Variants in SNTG1 observed in about 807,000 individuals in gnomAD.
SNTG1 encodes syntrophin gamma 1, also known as gamma-1-syntrophin.
A neutral mutation model predicts 74.7 loss-of-function variants in SNTG1; 39 were observed. The observed-to-expected ratio is 0.52, with a 90% confidence interval of 0.40 to 0.68. The LOEUF (loss-of-function observed/expected upper bound fraction) is 0.68. Ranked by LOEUF, SNTG1 falls within the 30% of genes least tolerant of loss-of-function variation. SNTG1 has a pLI of 0.00. For synonymous variants in SNTG1, 254 were observed against 217.1 expected (o/e 1.17, Z -1.49); for missense variants, 685 against 609.5 (o/e 1.12, Z -1.30).
intron 2 of SNTG1, among the ~76,000 whole-genome samples, chr8:50,389,011 GCT>G (rs1006947628): frequency 8.5e-5 from 13 of 152,118 alleles, no homozygotes; most frequent in African/African-American, 2.9e-4. Flanking sequence ...AAGAAGTTTG[GCT>G]CTGTGTGTGT....
At chr8:50,763,306 G>A (rs1280906910) in intron 18 of SNTG1, among the ~76,000 whole-genome samples, 2 of 151,858 alleles carry the variant, frequency 1.3e-5, no homozygotes, top group Non-Finnish European at 2.9e-5. Flanking sequence ...TGAAGCCCCT[G>A]ATACTCAGAA....
chr8:50,066,868 T>A (rs1820940768), intron 1 of SNTG1, among the ~76,000 whole-genome samples: 1 of 152,142 alleles, frequency 6.6e-6, no homozygotes, highest in Admixed American at 6.6e-5. Flanking sequence ...AAATGATTTA[T>A]TGAAAAATCC....
At chr8:50,252,727 C>T (rs900107192) in intron 2 of SNTG1, among the ~76,000 whole-genome samples, 3 of 152,136 alleles carry the variant, frequency 2.0e-5, no homozygotes, top group African/African-American at 4.8e-5. Flanking sequence ...GTCATTACCA[C>T]TCATTACTGT....
intron 2 of SNTG1, among the ~76,000 whole-genome samples, chr8:50,193,260 A>T (rs369876160): frequency 6.6e-6 from 1 of 152,066 alleles, no homozygotes; most frequent in African/African-American, 2.4e-5. Flanking sequence ...TTTTCACAAC[A>T]TTGTTTCTAC....
At chr8:50,721,246 T>C (rs2095486879) in intron 17 of SNTG1, among the ~76,000 whole-genome samples, 1 of 152,170 alleles carries the variant, frequency 6.6e-6, no homozygotes, top group African/African-American at 2.4e-5. Context: ...CCCTGTTTTC[T>C]GATGGAGCTA....
intron 1 of SNTG1, among the ~76,000 whole-genome samples, chr8:50,002,207 G>A (rs1814804623): frequency 6.6e-6 from 1 of 152,138 alleles, no homozygotes; most frequent in South Asian, 2.1e-4. Context: ...TTTTTTAAAA[G>A]GCCCAACTCC....
At chr8:50,409,636 C>T (rs1474985308) in intron 4 of SNTG1, among the ~76,000 whole-genome samples, 1 of 152,162 alleles carries the variant, frequency 6.6e-6, no homozygotes, top group Admixed American at 6.6e-5. Context: ...ATCCAACATT[C>T]AGTTCCTGTC....
Position 50,407,795 on chromosome 8 carries a change from G to A in SNTG1, c.162+5451G>A, listed in dbSNP as rs147801180. Among the ~76,000 whole-genome samples, 35 of 152,302 alleles carry A rather than the reference G, an allele frequency of 2.3e-4. No individual in the cohort carries two copies. The East Asian group carries it at 4.8e-3, about 21-fold the overall frequency. ...TCTGCCTGGAAATTTGAAGACTAGC[G>A]TTTTAAGGATAGTTTGGTGGGCAGG... On this transcript the variant is annotated intron_variant, in intron 4 of 18. Transcript: ENST00000642720.
At chr8:50,202,273 G>T (rs1387152663) in intron 2 of SNTG1, among the ~76,000 whole-genome samples, 3 of 152,072 alleles carry the variant, frequency 2.0e-5, no homozygotes, top group African/African-American at 4.8e-5. Flanking sequence ...GTAGGGCCAT[G>T]TATCCACAAT....
chr8:50,220,099 G>A (rs1367954287), intron 2 of SNTG1, among the ~76,000 whole-genome samples: 3 of 152,046 alleles, frequency 2.0e-5, no homozygotes, highest in Non-Finnish European at 4.4e-5. Context: ...ACCCTTCTCA[G>A]GTGTATGACA....
intron 17 of SNTG1, among the ~76,000 whole-genome samples, chr8:50,736,314 G>T: frequency 6.6e-6 from 1 of 151,896 alleles, no homozygotes; most frequent in East Asian, 1.9e-4. Context: ...CCAATTAAAA[G>T]ATCAAAAAAC....
chr8:50,425,834 G>C (rs949533270), intron 4 of SNTG1, among the ~76,000 whole-genome samples: 1 of 152,170 alleles, frequency 6.6e-6, no homozygotes, highest in African/African-American at 2.4e-5. Flanking sequence ...ACACTTAGGA[G>C]ATGCAATGAG....
chr8:50,350,906 C>T lies in SNTG1; in HGVS notation c.-27-43306C>T, dbSNP rs183996604. Among the ~76,000 whole-genome samples the T allele has an allele frequency of 1.9e-3, 284 of 152,292 alleles. 4 individuals carry two copies. Among genetic ancestry groups the T allele is most frequent in the Non-Finnish European group, 6.8e-4 (46 of 68,032 alleles). On this transcript the variant is annotated intron_variant, in intron 2 of 18. Coordinates refer to ENST00000642720, the MANE Select transcript of SNTG1 (RefSeq NM_018967.5). Reference sequence around the variant, plus strand: ...GCCAGATAAGAGAATGAAAGCAGGCCGCCCAAACCAGCAGTGGCAACCCGT... The same window carrying T: ...GCCAGATAAGAGAATGAAAGCAGGCTGCCCAAACCAGCAGTGGCAACCCGT...
chr8:50,292,282 C>T (rs1193777785), intron 2 of SNTG1, among the ~76,000 whole-genome samples: 1 of 152,020 alleles, frequency 6.6e-6, no homozygotes, highest in Non-Finnish European at 1.5e-5. Flanking sequence ...GCATAATCTA[C>T]TTGAATCCAG....
At chr8:50,036,226 A>G (rs1049510462) in intron 1 of SNTG1, among the ~76,000 whole-genome samples, 3 of 152,214 alleles carry the variant, frequency 2.0e-5, no homozygotes, top group Non-Finnish European at 4.4e-5. Flanking sequence ...ACACACAAAA[A>G]AAGCTACAAA....
intron 2 of SNTG1, among the ~76,000 whole-genome samples, chr8:50,322,961 C>A (rs1587126383): frequency 6.6e-6 from 1 of 151,660 alleles, no homozygotes; most frequent in South Asian, 2.1e-4. Flanking sequence ...ACTTAAAATA[C>A]AAAAATAAGC....
At chr8:50,260,043 A>T (rs1183321341) in intron 2 of SNTG1, among the ~76,000 whole-genome samples, 1 of 152,128 alleles carries the variant, frequency 6.6e-6, no homozygotes, top group African/African-American at 2.4e-5. Flanking sequence ...TGGAGAAAAA[A>T]TCCCTTATGC....
rs562831122 is a variant in SNTG1, at chr8:50,334,458, T to G, written c.-27-59754T>G. 1.2e-4 allele frequency among the ~76,000 whole-genome samples: 18 copies of G among 152,102 alleles called. 1 individual carries two copies. Among genetic ancestry groups the G allele is most frequent in the African/African-American group, 4.1e-4 (17 of 41,458 alleles). ...ATGAGTTTCTCCCCTGTAATTGTCC[T>G]GTTCTGCATTGTTTGCCTGGGATTT... On this transcript the variant is annotated intron_variant, in intron 2 of 18. Transcript: ENST00000642720.
At chr8:50,761,629 TTCTTTTTAATTATCTTG>T (rs2095599331) in intron 18 of SNTG1, among the ~76,000 whole-genome samples, 1 of 151,898 alleles carries the variant, frequency 6.6e-6, no homozygotes, top group African/African-American at 2.4e-5. Context: ...ATCTGTGGTT[TTCTTTTTAATTATCTTG>T]TCTTATGATC....
Sources: gnomAD v4.1 joint callset for allele counts (sites outside exome capture counted in the v4.1 genomes callset) on GRCh38, gnomAD v4.1.1 for gene constraint, MANE v1.5 for transcripts, NCBI Gene and HGNC (gene_info 2026-07-23, HGNC 2026-07-21) for gene names.